STX8: variants seen among roughly 807,000 people sequenced by gnomAD.
STX8 encodes syntaxin-8.
A neutral mutation model predicts 37.5 loss-of-function variants in STX8; 23 were observed. That is an observed-to-expected ratio of 0.61 (90% confidence interval 0.44 to 0.87). The LOEUF (loss-of-function observed/expected upper bound fraction) is 0.87, where lower values mean the gene tolerates loss of function less well. Ranked by LOEUF, STX8 falls within the 40% of genes least tolerant of loss-of-function variation. STX8 has a pLI of 0.00. For synonymous variants in STX8, 115 were observed against 99.1 expected (o/e 1.16, Z -0.95); for missense variants, 313 against 284.7 (o/e 1.10, Z -0.71).
chr17:9,277,008 G>A (rs1424486166), intron 7 of STX8, among the ~76,000 whole-genome samples: 1 of 109,048 alleles, frequency 9.2e-6, no homozygotes, highest in Non-Finnish European at 2.1e-5. Context: ...ATTCACAAGT[G>A]TGATCATTAA....
chr17:9,369,886 C>CAAAAAAA (rs60178482), intron 7 of STX8, among the ~76,000 whole-genome samples: 34 of 52,108 alleles, frequency 6.5e-4, no homozygotes, highest in Non-Finnish European at 1.0e-3. Flanking sequence ...GACCCTGTAC[C>CAAAAAAA]AAAAAAAAAA....
intron 6 of STX8, among the ~76,000 whole-genome samples, chr17:9,458,506 A>G (rs902379351): frequency 1.3e-5 from 2 of 152,260 alleles, no homozygotes; most frequent in Admixed American, 6.5e-5. Context: ...TTTCTACCAC[A>G]TTCTTCAAAA....
intron 1 of STX8, among the ~76,000 whole-genome samples, chr17:9,575,560 G>A (rs1907873435): frequency 6.6e-6 from 1 of 152,172 alleles, no homozygotes; most frequent in Admixed American, 6.5e-5. Flanking sequence ...TCAGAGATTT[G>A]GCGTAAGTCC....
intron 7 of STX8, among the ~76,000 whole-genome samples, chr17:9,357,720 A>T (rs1018989373): frequency 3.9e-5 from 6 of 152,042 alleles, no homozygotes; most frequent in African/African-American, 1.4e-4. Context: ...AATAAAATAT[A>T]AAAAATTAAA....
At chr17:9,429,644 A>C (rs1913776044) in intron 6 of STX8, among the ~76,000 whole-genome samples, 1 of 132,880 alleles carries the variant, frequency 7.5e-6, no homozygotes, top group South Asian at 2.2e-4. Context: ...CGGAGCTTGC[A>C]GTGAGCTGAG....
intron 6 of STX8, among the ~76,000 whole-genome samples, chr17:9,441,307 T>C (rs146341873): frequency 3.3e-5 from 5 of 151,836 alleles, no homozygotes; most frequent in East Asian, 2.0e-4. Flanking sequence ...CTGGCCAACA[T>C]GATGAAACCC....
At chr17:9,391,072 CA>C (rs1207570399) in intron 6 of STX8, among the ~76,000 whole-genome samples, 2 of 152,098 alleles carry the variant, frequency 1.3e-5, no homozygotes, top group African/African-American at 4.8e-5. Flanking sequence ...TATAGGAAAA[CA>C]ACCTACACAG....
chr17:9,350,131 G>A (rs1910659344), intron 7 of STX8, among the ~76,000 whole-genome samples: 1 of 151,796 alleles, frequency 6.6e-6, no homozygotes, highest in Admixed American at 6.6e-5. Flanking sequence ...ACTGAGCCCT[G>A]ATGATGGCCA....
rs111527836 is a variant in STX8, at chr17:9,484,296, G to A, written c.541+7533C>T. 4.0e-5 allele frequency among the ~76,000 whole-genome samples: 6 copies of A among 151,584 alleles called. No homozygotes were observed. The East Asian group carries it at 5.8e-4, about 15-fold the overall frequency. The stretch of plus-strand genomic sequence containing the variant: ...AAGTAAATGTCAATCAGTCAGTGAC[G>A]GATGCTATGACTAGGGAAATACAGG... On this transcript the variant is annotated intron_variant, in intron 6 of 7. Coordinates refer to ENST00000306357, the MANE Select transcript of STX8 (RefSeq NM_004853.3).
intron 4 of STX8, among the ~76,000 whole-genome samples, chr17:9,544,469 G>A (rs1042569778): frequency 1.3e-5 from 2 of 151,798 alleles, no homozygotes; most frequent in Admixed American, 1.3e-4. Context: ...CCCCGGACCA[G>A]TCTTATTAGG....
rs1323584146 is a variant in STX8, at chr17:9,507,059, C to A, written c.324-1897G>T. ...CAGAAACAGTCCCACCCAGGGCAAA[C>A]CCACTCTTGAGCCAACCAAACTGCT... On this transcript the variant is annotated intron_variant, in intron 4 of 7. Transcript: ENST00000306357. This position sits in a 1 kb window ranked among gnomAD's most constrained non-coding sequence, Gnocchi z 4.0. Among the ~76,000 whole-genome samples, 2 of 151,970 alleles carry A rather than the reference C, an allele frequency of 1.3e-5. No homozygotes were observed. Among genetic ancestry groups the A allele is most frequent in the Non-Finnish European group, 1.5e-5 (1 of 67,992 alleles).
intron 7 of STX8, among the ~76,000 whole-genome samples, chr17:9,323,173 A>C (rs534730617): frequency 2.0e-5 from 3 of 152,306 alleles, no homozygotes; most frequent in Non-Finnish European, 2.9e-5. Context: ...TGCTTTCATG[A>C]ATTTTGTGAG....
At chr17:9,276,050 T>TC (rs1307102195) in intron 7 of STX8, among the ~76,000 whole-genome samples, 3 of 151,864 alleles carry the variant, frequency 2.0e-5, no homozygotes, top group Non-Finnish European at 4.4e-5. Context: ...TCTTTTTAGA[T>TC]CAGAGCTCTG....
chr17:9,481,863 A>G (rs935901524), intron 6 of STX8, among the ~76,000 whole-genome samples: 6 of 152,130 alleles, frequency 3.9e-5, no homozygotes, highest in African/African-American at 7.2e-5. Flanking sequence ...TCCTTACGAC[A>G]ATCTGATGCC....
chr17:9,256,692 T>C (rs1296255706), intron 7 of STX8, among the ~76,000 whole-genome samples: 1 of 152,170 alleles, frequency 6.6e-6, no homozygotes, highest in African/African-American at 2.4e-5. Context: ...GTCTGACGGT[T>C]CCTAAAGGCA....
At chr17:9,347,854 C>G (rs1246866814) in intron 7 of STX8, among the ~76,000 whole-genome samples, 20 of 152,208 alleles carry the variant, frequency 1.3e-4, no homozygotes, top group Admixed American at 1.3e-3. Context: ...ATAGATTTGC[C>G]TACTCTGGAC....
At chr17:9,374,271 G>A (rs931364439) in intron 7 of STX8, among the ~76,000 whole-genome samples, 4 of 151,944 alleles carry the variant, frequency 2.6e-5, no homozygotes, top group African/African-American at 9.7e-5. Flanking sequence ...TAGTAGAGAT[G>A]GGGTTTCACC....
intron 7 of STX8, among the ~76,000 whole-genome samples, chr17:9,304,507 CAAAAAAA>C (rs35673905): frequency 3.3e-4 from 19 of 56,890 alleles, no homozygotes; most frequent in South Asian, 1.3e-3. Context: ...GAAACTGTCT[CAAAAAAA>C]AAAAAAAAAA....
chr17:9,525,568 G>T (rs1278276284), intron 4 of STX8, among the ~76,000 whole-genome samples: 1 of 151,672 alleles, frequency 6.6e-6, no homozygotes, highest in Admixed American at 6.6e-5. Context: ...GGATGGTCTC[G>T]ATCTCCTGAC....
Sources: gnomAD v4.1 joint callset for allele counts (sites outside exome capture counted in the v4.1 genomes callset) on GRCh38, gnomAD v4.1.1 for gene constraint, Gnocchi (gnomAD v3.1) non-coding constraint, MANE v1.5 for transcripts, NCBI Gene and HGNC (gene_info 2026-07-23, HGNC 2026-07-21) for gene names.